Variants in TNNI3K observed in about 807,000 individuals in gnomAD.
TNNI3K encodes TNNI3 interacting kinase.
Under a neutral mutation model 114.5 loss-of-function variants are expected in TNNI3K, and 140 were observed. That is an observed-to-expected ratio of 1.22 (90% CI 1.07 to 1.41). The LOEUF is 1.41. Ranked by LOEUF, TNNI3K falls within the 40% of genes most tolerant of loss-of-function variation. The pLI is 0.00. For missense variants in TNNI3K, 1,125 were observed against 1,007.6 expected (o/e 1.12, Z -1.58); for synonymous variants, 347 against 347.5 (o/e 1.00, Z 0.02).
At chr1:74,242,516 G>GCA (rs1429333597) in intron 2 of TNNI3K, among the ~76,000 whole-genome samples, 1 of 152,086 alleles carries the variant, frequency 6.6e-6, no homozygotes, top group African/African-American at 2.4e-5. Context: ...AACTTTTCAA[G>GCA]CTGATCTTAT....
chr1:74,466,023 C>T (rs887691622), intron 21 of TNNI3K, among the ~76,000 whole-genome samples: 5 of 152,174 alleles, frequency 3.3e-5, no homozygotes, highest in African/African-American at 7.2e-5. Flanking sequence ...CTTTGGTCCA[C>T]GCTGTGTTTA....
chr1:74,339,954 A>G (rs780050639), intron 7 of TNNI3K, among the ~76,000 whole-genome samples: 13 of 152,084 alleles, frequency 8.5e-5, no homozygotes, highest in Non-Finnish European at 1.6e-4. Flanking sequence ...AACTGGACAG[A>G]GCTGGATATT....
At chr1:74,242,522 C>A (rs1005392057) in intron 2 of TNNI3K, among the ~76,000 whole-genome samples, 1 of 152,046 alleles carries the variant, frequency 6.6e-6, no homozygotes, top group Non-Finnish European at 1.5e-5. Flanking sequence ...TCAAGCTGAT[C>A]TTATTTAAGA....
At chr1:74,395,445 A>G (rs1300724190) in intron 17 of TNNI3K, among the ~76,000 whole-genome samples, 1 of 152,110 alleles carries the variant, frequency 6.6e-6, no homozygotes, top group African/African-American at 2.4e-5. Flanking sequence ...GAACCCATAG[A>G]CAAACCTGAG....
At chr1:74,396,020 A>G (rs553387661) in intron 17 of TNNI3K, among the ~76,000 whole-genome samples, 2 of 152,218 alleles carry the variant, frequency 1.3e-5, no homozygotes, top group Non-Finnish European at 2.9e-5. Context: ...GAGATGGGTT[A>G]TGCTCTTTGT....
intron 23 of TNNI3K, among the ~76,000 whole-genome samples, chr1:74,496,930 G>T (rs1669356328): frequency 6.6e-6 from 1 of 152,116 alleles, no homozygotes; most frequent in Non-Finnish European, 1.5e-5. Flanking sequence ...TTTATGTGGG[G>T]CTGGGCTCTA....
chr1:74,353,644 CAA>C lies in TNNI3K; in HGVS notation c.1027+300_1027+301del, dbSNP rs35082255. Among the ~76,000 whole-genome samples, 38,338 of 134,074 alleles carry C rather than the reference CAA, an allele frequency of 0.29. 5,581 individuals carry two copies. The highest frequency in any genetic ancestry group is 0.56 in the East Asian group (2,704 of 4,804). The allele number at this position is 134,074 out of a possible 152,430, so 88.0% of individuals were successfully genotyped here. A position where few individuals can be genotyped will look rare whatever the true frequency, so the allele number is the denominator to read the frequency against. On this transcript the variant is annotated intron_variant, in intron 10 of 24. Coordinates refer to ENST00000326637, the MANE Select transcript of TNNI3K (RefSeq NM_015978.3). Reference sequence around the variant, plus strand: ...ACTGCTCTGCCCTTGATTTGGTGATCAAAAAAAAAAAAAAAAACCTGTGATGG... The same window carrying C: ...ACTGCTCTGCCCTTGATTTGGTGATCAAAAAAAAAAAAAAACCTGTGATGG...
intron 6 of TNNI3K, among the ~76,000 whole-genome samples, chr1:74,335,391 G>A (rs1448164866): frequency 1.3e-5 from 2 of 152,148 alleles, no homozygotes; most frequent in African/African-American, 4.8e-5. Context: ...TGTTTGCTTA[G>A]GCAAAGCTAT....
intron 4 of TNNI3K, among the ~76,000 whole-genome samples, chr1:74,269,481 G>A (rs1023574475): frequency 2.0e-5 from 3 of 151,802 alleles, no homozygotes; most frequent in Non-Finnish European, 4.4e-5. Flanking sequence ...ATGCAGGATG[G>A]ACTGCAATGG....
chr1:74,409,458 A>G (rs1664775764), intron 17 of TNNI3K, among the ~76,000 whole-genome samples: 2 of 151,412 alleles, frequency 1.3e-5, no homozygotes, highest in Admixed American at 1.3e-4. Flanking sequence ...TGTGTATTCT[A>G]CAATATGTAA....
At chr1:74,401,044 C>G (rs888844649) in intron 17 of TNNI3K, among the ~76,000 whole-genome samples, 1 of 152,214 alleles carries the variant, frequency 6.6e-6, no homozygotes, top group Admixed American at 6.5e-5. Flanking sequence ...TATTCACTTT[C>G]TTACTTTTCA....
intron 5 of TNNI3K, among the ~76,000 whole-genome samples, chr1:74,299,963 T>G (rs1381743181): frequency 1.3e-5 from 2 of 152,188 alleles, no homozygotes. Context: ...TCATTAAAAT[T>G]TCATTCATTT....
intron 17 of TNNI3K, among the ~76,000 whole-genome samples, chr1:74,393,711 A>G (rs888964643): frequency 6.6e-6 from 1 of 152,144 alleles, no homozygotes; most frequent in Non-Finnish European, 1.5e-5. Context: ...ATTTTTCCAC[A>G]GAAGGTGGGG....
intron 17 of TNNI3K, among the ~76,000 whole-genome samples, chr1:74,405,775 A>T (rs1166945339): frequency 6.6e-6 from 1 of 152,198 alleles, no homozygotes; most frequent in Non-Finnish European, 1.5e-5. Flanking sequence ...GCTTTTAGTG[A>T]TGTTAGAATA....
intron 21 of TNNI3K, 72 bp downstream of exon 21, chr1:74,463,622 G>A (rs1240167362): frequency 6.5e-6 from 10 of 1,545,090 alleles, no homozygotes; most frequent in Non-Finnish European, 8.0e-6. Flanking sequence ...TAACTCCAAA[G>A]TCTACTTTCA....
chr1:74,275,798 G>A (rs952528818), intron 5 of TNNI3K, among the ~76,000 whole-genome samples: 1 of 152,044 alleles, frequency 6.6e-6, no homozygotes, highest in African/African-American at 2.4e-5. Context: ...AGCAATTACT[G>A]TGGTTTACAA....
intron 17 of TNNI3K, chr1:74,372,211 G>A (rs1413550299): frequency 6.6e-6 from 1 of 151,216 alleles, no homozygotes; most frequent in Non-Finnish European, 1.5e-5. Flanking sequence ...GGAACATAAA[G>A]ATAATGGGTA....
chr1:74,263,621 G>T (rs994159684), intron 4 of TNNI3K, among the ~76,000 whole-genome samples: 1 of 151,762 alleles, frequency 6.6e-6, no homozygotes, highest in African/African-American at 2.4e-5. Context: ...TAAATTTTGG[G>T]GAGAAGAGGA....
intron 21 of TNNI3K, among the ~76,000 whole-genome samples, chr1:74,466,027 G>A (rs960798554): frequency 6.6e-5 from 10 of 152,186 alleles, no homozygotes; most frequent in Non-Finnish European, 1.3e-4. Context: ...GGTCCACGCT[G>A]TGTTTATGAG....
Sources: gnomAD v4.1 joint callset for allele counts (sites outside exome capture counted in the v4.1 genomes callset) on GRCh38, gnomAD v4.1.1 for gene constraint, MANE v1.5 for transcripts, NCBI Gene and HGNC (gene_info 2026-07-23, HGNC 2026-07-21) for gene names.